Variants in CACNA1B observed in about 807,000 individuals in gnomAD.
The protein encoded by CACNA1B is voltage-dependent N-type calcium channel subunit alpha-1B.
CACNA1B carries 70 observed loss-of-function variants against 247.2 expected under a neutral mutation model. The ratio of observed to expected loss-of-function variants is 0.28; its 90% CI spans 0.23 to 0.35. CACNA1B has a LOEUF of 0.35. Ranked by LOEUF, CACNA1B falls within the 10% of genes least tolerant of loss-of-function variation. CACNA1B has a pLI of 1.00. For missense variants in CACNA1B, 2,367 were observed against 3,197.4 expected, an observed-to-expected ratio of 0.74 and a Z score of 6.26; for synonymous variants, 1,231 against 1,294.4, an observed-to-expected ratio of 0.95 and a Z score of 1.05.
intron 31 of CACNA1B, among the ~76,000 whole-genome samples, chr9:138,060,582 G>A (rs1230175373): frequency 4.6e-5 from 7 of 152,184 alleles, no homozygotes; most frequent in African/African-American, 1.2e-4. Flanking sequence ...TGCACCCTCC[G>A]CACGGCATTA....
intron 12 of CACNA1B, among the ~76,000 whole-genome samples, chr9:137,976,814 C>A (rs1256655829): frequency 9.4e-6 from 1 of 106,364 alleles, no homozygotes; most frequent in Non-Finnish European, 1.9e-5. Flanking sequence ...GGTAGGGAAG[C>A]CTTGGAGGCA....
intron 15 of CACNA1B, among the ~76,000 whole-genome samples, chr9:137,989,503 T>A (rs973516127): frequency 2.6e-5 from 4 of 152,178 alleles, no homozygotes; most frequent in African/African-American, 9.7e-5. Context: ...GATAAACAAA[T>A]AATTCCAGAC....
intron 21 of CACNA1B, 51 bp from the exon 22 acceptor site, chr9:138,046,853 G>T: frequency 6.3e-7 from 1 of 1,581,828 alleles, no homozygotes; most frequent in Non-Finnish European, 8.6e-7. Flanking sequence ...GTGGCAAGGG[G>T]TGGCGCGCCC....
intron 3 of CACNA1B, among the ~76,000 whole-genome samples, chr9:137,911,130 G>A (rs970504223): frequency 1.3e-5 from 2 of 152,094 alleles, no homozygotes; most frequent in East Asian, 3.8e-4. Flanking sequence ...TCCACTTAAT[G>A]GTCTTGGTAC....
intron 20 of CACNA1B, among the ~76,000 whole-genome samples, chr9:138,041,547 A>C (rs1333020420): frequency 6.6e-6 from 1 of 152,034 alleles, no homozygotes; most frequent in African/African-American, 2.4e-5. Flanking sequence ...TTTCATTTTT[A>C]TCCTTTCCGT....
chr9:137,938,882 G>A (rs1039370503), intron 6 of CACNA1B, among the ~76,000 whole-genome samples: 3 of 152,076 alleles, frequency 2.0e-5, no homozygotes, highest in Admixed American at 1.3e-4. Context: ...AGACCAGCCT[G>A]GCCAACATGG....
intron 41 of CACNA1B, 52 bp from the exon 42 acceptor site, chr9:138,115,500 C>T: frequency 6.3e-7 from 1 of 1,582,900 alleles, no homozygotes; most frequent in Non-Finnish European, 8.6e-7. Context: ...GTCACAGAGG[C>T]CACATTGCAG....
chr9:137,956,653 CAAAAAAA>C, intron 8 of CACNA1B, 111 bp from the exon 9 acceptor site: 1 of 501,024 alleles, frequency 2.0e-6, no homozygotes, highest in Non-Finnish European at 3.2e-6. Flanking sequence ...GACTCCATCT[CAAAAAAA>C]AAAAAAAAAA....
chr9:137,913,046 G>A lies in CACNA1B; in HGVS notation c.531-134G>A, dbSNP rs1227606336. 1.4e-6 allele frequency: 1 copy of A among 692,366 alleles called. No homozygotes were observed. Among genetic ancestry groups the A allele is most frequent in the Non-Finnish European group, 2.5e-6 (1 of 395,602 alleles). 42.9% of individuals were successfully genotyped at this position (692,366 alleles called of 1,614,324 possible). Reference sequence around the variant, plus strand: ...GGGGGACACAGGTGCTGGCCCTGTGGTTGGACAGTGGGGACACAGGAATGA... The same window carrying A: ...GGGGGACACAGGTGCTGGCCCTGTGATTGGACAGTGGGGACACAGGAATGA... On this transcript the variant is annotated intron_variant, in intron 3 of 46. Coordinates refer to ENST00000371372, the MANE Select transcript of CACNA1B (RefSeq NM_000718.4). This position sits in a 1 kb window ranked among gnomAD's most constrained non-coding sequence, Gnocchi z 5.2.
At chr9:138,030,233 G>A (rs1958972302) in intron 20 of CACNA1B, among the ~76,000 whole-genome samples, 1 of 150,352 alleles carries the variant, frequency 6.7e-6, no homozygotes, top group South Asian at 2.1e-4. Flanking sequence ...GTTTTGTTTT[G>A]TTTTTTGGTA....
At chr9:137,940,676 C>T (rs1423579427) in intron 6 of CACNA1B, among the ~76,000 whole-genome samples, 1 of 152,166 alleles carries the variant, frequency 6.6e-6, no homozygotes, top group African/African-American at 2.4e-5. Flanking sequence ...CAACAAAATA[C>T]TAGCTAACTG....
intron 6 of CACNA1B, among the ~76,000 whole-genome samples, chr9:137,932,035 C>A (rs1957613859): frequency 6.6e-6 from 1 of 152,060 alleles, no homozygotes; most frequent in Non-Finnish European, 1.5e-5. Flanking sequence ...CAGCATTTTT[C>A]CTCTAGAAAA....
Position 138,058,967 on chromosome 9 carries a change from G to A in CACNA1B, c.4474-112G>A. Reference sequence around the variant, plus strand: ...GGGAGAGCAGGAAGGGGTGTCCCAGGCCTAGGCAGGCATCGAGTTCTGTCT... The same window carrying A: ...GGGAGAGCAGGAAGGGGTGTCCCAGACCTAGGCAGGCATCGAGTTCTGTCT... On this transcript the variant is annotated intron_variant, in intron 29 of 46. Transcript: ENST00000371372. This position sits in a 1 kb window ranked among gnomAD's most constrained non-coding sequence, Gnocchi z 4.7. 2.7e-6 allele frequency: 2 copies of A among 739,904 alleles called. No individual in the cohort carries two copies. Among genetic ancestry groups the A allele is most frequent in the Non-Finnish European group, 4.8e-6 (2 of 420,828 alleles). The allele number at this position is 739,904 out of a possible 1,614,324, so 45.8% of individuals were successfully genotyped here.
chr9:137,947,106 T>A (rs1957805866), intron 6 of CACNA1B, among the ~76,000 whole-genome samples: 1 of 152,200 alleles, frequency 6.6e-6, no homozygotes, highest in South Asian at 2.1e-4. Context: ...GTTACTTGGT[T>A]ACACTCTATG....
At chr9:138,119,103 C>T (rs936830694) in intron 44 of CACNA1B, among the ~76,000 whole-genome samples, 22 of 152,078 alleles carry the variant, frequency 1.4e-4, no homozygotes, top group African/African-American at 2.2e-4. Flanking sequence ...TCCTCCTTTC[C>T]GGGGCTCTAC....
Position 138,102,019 on chromosome 9 carries a change from C to A in CACNA1B, c.5223-692C>A, listed in dbSNP as rs1961269137. Among the ~76,000 whole-genome samples, 1 of 152,196 alleles carries A rather than the reference C, an allele frequency of 6.6e-6. No individual in the cohort carries two copies. The highest frequency in any genetic ancestry group is 2.4e-5 in the African/African-American group (1 of 41,460). ...CAGGCCATGTCCTGCCAGCTCCTCCCCCCTCCCGCAGTCTCCCATTTCCCA... is the reference window on the plus strand; with the variant it reads ...CAGGCCATGTCCTGCCAGCTCCTCCACCCTCCCGCAGTCTCCCATTTCCCA... On this transcript the variant is annotated intron_variant, in intron 37 of 46. Transcript: ENST00000371372. The surrounding 1 kb of genome is among the most constrained non-coding windows in gnomAD (Gnocchi z 5.4).
intron 6 of CACNA1B, among the ~76,000 whole-genome samples, chr9:137,939,763 A>G (rs948863344): frequency 2.6e-5 from 4 of 151,872 alleles, no homozygotes; most frequent in Non-Finnish European, 5.9e-5. Flanking sequence ...AGATCACGCC[A>G]CTGCACTCTA....
At chr9:137,916,389 G>A (rs532035809) in intron 5 of CACNA1B, among the ~76,000 whole-genome samples, 2 of 152,106 alleles carry the variant, frequency 1.3e-5, no homozygotes, top group Admixed American at 1.3e-4. Context: ...GAGAGTGAAG[G>A]GGGTAAACGT....
chr9:138,057,885 G>A lies in CACNA1B; in HGVS notation c.4106+16G>A, dbSNP rs1418475609. ...GCTGGCCCATGTGAGTGCTCATCCT[G>A]CTCTCCGTAGCTGGGGCAGGCAGCC... On this transcript the variant is annotated intron_variant, in intron 27 of 46. Coordinates refer to ENST00000371372, the MANE Select transcript of CACNA1B (RefSeq NM_000718.4). The surrounding 1 kb of genome is among the most constrained non-coding windows in gnomAD (Gnocchi z 4.0). The A allele has an allele frequency of 3.1e-6, 5 of 1,597,254 alleles. No individual in the cohort carries two copies. In the Admixed American group the frequency reaches 8.4e-5, roughly 27 times the overall value.
Sources: gnomAD v4.1 joint callset for allele counts (sites outside exome capture counted in the v4.1 genomes callset) on GRCh38, gnomAD v4.1.1 for gene constraint, Gnocchi (gnomAD v3.1) non-coding constraint, MANE v1.5 for transcripts, NCBI Gene and HGNC (gene_info 2026-07-23, HGNC 2026-07-21) for gene names.